Variants in DZIP3 observed in about 807,000 individuals in gnomAD.
DZIP3 encodes the protein DAZ interacting zinc finger protein 3.
Under a neutral mutation model 162.0 loss-of-function variants are expected in DZIP3, and 118 were observed. The ratio of observed to expected loss-of-function variants is 0.73; its 90% CI spans 0.63 to 0.85. The LOEUF is 0.85. Among genes scored for constraint, DZIP3 ranks in the 40% least tolerant of loss-of-function variants. The pLI is 0.00. For missense variants in DZIP3, 1,331 were observed against 1,407.0 expected (o/e 0.95, Z 0.86); for synonymous variants, 438 against 458.6 (o/e 0.96, Z 0.57).
In DZIP3 at chr3:108,694,233, G is replaced by A. The variant is rs1302948928; in HGVS notation, c.*880G>A. On this transcript the variant is annotated 3_prime_UTR_variant, in exon 33 of 33. Coordinates refer to ENST00000361582, the MANE Select transcript of DZIP3 (RefSeq NM_014648.4). ...TGTTAAACGTATTCTTCTGTAATGAGAATAGACTGGAACATGTGAGGGAAA... is the reference window on the plus strand; with the variant it reads ...TGTTAAACGTATTCTTCTGTAATGAAAATAGACTGGAACATGTGAGGGAAA... The A allele has an allele frequency of 6.6e-6, 1 of 151,946 alleles. No homozygotes were observed. Among genetic ancestry groups the A allele is most frequent in the East Asian group, 1.9e-4 (1 of 5,196 alleles). The allele number at this position is 151,946 out of a possible 1,614,324, so 9.4% of individuals were successfully genotyped here. A position where few individuals can be genotyped will look rare whatever the true frequency, so the allele number is the denominator to read the frequency against.
At chr3:108,647,894 C>T in intron 15 of DZIP3, 49 bp from the exon 16 acceptor site, 1 of 1,394,458 alleles carries the variant, frequency 7.2e-7, no homozygotes, top group Non-Finnish European at 9.5e-7. Context: ...TGATAAGAAG[C>T]TGAAATTGCT....
At position 108,661,861 on chromosome 3, in the gene DZIP3, T is replaced by G. The variant is rs922730229; in HGVS notation, c.2200-16T>G. 6.2e-7 allele frequency: 1 copy of G among 1,602,620 alleles called. No individual in the cohort carries two copies. Among genetic ancestry groups the G allele is most frequent in the African/African-American group, 1.3e-5 (1 of 74,264 alleles). ...TTTGAGGAAAATAATACATGCATAT[T>G]TCCTGTGCTCAATAGGGCTCAGCTG... On this transcript the variant is annotated splice_polypyrimidine_tract_variant and intron_variant, in intron 19 of 32. Transcript: ENST00000361582.
At chr3:108,610,627 T>G (rs1210689393) in intron 3 of DZIP3, among the ~76,000 whole-genome samples, 1 of 152,230 alleles carries the variant, frequency 6.6e-6, no homozygotes, top group African/African-American at 2.4e-5. Flanking sequence ...TTGTTAAGGT[T>G]TGAAGGAAGG....
At chr3:108,593,742 C>A (rs1939557217) in intron 1 of DZIP3, among the ~76,000 whole-genome samples, 1 of 147,050 alleles carries the variant, frequency 6.8e-6, no homozygotes, top group Non-Finnish European at 1.5e-5. Flanking sequence ...GTGGCATGAT[C>A]ACGGCTCATT....
intron 3 of DZIP3, among the ~76,000 whole-genome samples, chr3:108,608,591 T>G (rs1940518470): frequency 6.6e-6 from 1 of 152,322 alleles, no homozygotes; most frequent in African/African-American, 2.4e-5. Flanking sequence ...TTTTATTATC[T>G]TTATGGTTAG....
intron 2 of DZIP3, among the ~76,000 whole-genome samples, chr3:108,607,606 A>G (rs968356739): frequency 6.6e-6 from 1 of 152,162 alleles, no homozygotes; most frequent in African/African-American, 2.4e-5. Context: ...TTATTACTCA[A>G]ATAGTTTCTA....
chr3:108,658,436 A>C (rs1419312180), intron 19 of DZIP3, among the ~76,000 whole-genome samples: 3 of 152,088 alleles, frequency 2.0e-5, no homozygotes, highest in Non-Finnish European at 4.4e-5. Context: ...TGTTCTTTGA[A>C]ACCAACGAGA....
At chr3:108,644,098 G>A in intron 13 of DZIP3, 66 bp from the exon 14 acceptor site, 1 of 1,515,812 alleles carries the variant, frequency 6.6e-7, no homozygotes, top group Non-Finnish European at 8.8e-7. Context: ...AGGATACAAT[G>A]TGAGAGACCA....
In DZIP3 at chr3:108,688,939, T is replaced by C; in HGVS notation, c.3516+15T>C. The C allele has an allele frequency of 6.2e-7, 1 of 1,611,182 alleles. No homozygotes were observed. The highest frequency in any genetic ancestry group is 1.3e-5 in the African/African-American group (1 of 74,966). On this transcript the variant is annotated intron_variant, in intron 31 of 32. Transcript: ENST00000361582. ...TCCATGCTCAGGTAACACTTTAAAT[T>C]TTCCCATTAATCAGCTAAATGAGAT...
chr3:108,657,283 T>G (rs909619712), intron 19 of DZIP3, among the ~76,000 whole-genome samples: 1 of 152,244 alleles, frequency 6.6e-6, no homozygotes, highest in African/African-American at 2.4e-5. Context: ...GACTAACAGC[T>G]GATCTCTTGG....
intron 17 of DZIP3, among the ~76,000 whole-genome samples, chr3:108,649,571 A>G (rs879784430): frequency 5.9e-5 from 9 of 151,852 alleles, no homozygotes; most frequent in South Asian, 2.1e-4. Context: ...CCACCATGTT[A>G]TGCAACTTTG....
intron 8 of DZIP3, among the ~76,000 whole-genome samples, chr3:108,631,055 A>ACACATACACTCTCTCTCTCT: frequency 7.8e-4 from 14 of 18,016 alleles, no homozygotes; most frequent in African/African-American, 1.1e-3. Context: ...ACACACACAC[A>ACACATACACTCTCTCTCTCT]CTCTCTCTCT....
intron 21 of DZIP3, among the ~76,000 whole-genome samples, chr3:108,665,124 G>T (rs1388146412): frequency 6.6e-6 from 1 of 151,994 alleles, no homozygotes; most frequent in African/African-American, 2.4e-5. Flanking sequence ...GACAAGAAAG[G>T]CAAAAGACCA....
intron 1 of DZIP3, among the ~76,000 whole-genome samples, chr3:108,604,133 G>A (rs1940189193): frequency 6.6e-6 from 1 of 152,042 alleles, no homozygotes; most frequent in African/African-American, 2.4e-5. Flanking sequence ...TTTAGTAATG[G>A]GCCTAGCTAG....
chr3:108,690,982 C>T, intron 32 of DZIP3, 79 bp downstream of exon 32: 1 of 1,210,850 alleles, frequency 8.3e-7, no homozygotes, highest in Non-Finnish European at 1.2e-6. Flanking sequence ...ACTATGTGCT[C>T]TTCAATATAG....
In DZIP3 at chr3:108,644,594, A is replaced by G; in HGVS notation, c.1572A>G (p.Ser524=). 1.2e-6 allele frequency: 2 copies of G among 1,614,090 alleles called. No individual in the cohort carries two copies. The highest frequency in any genetic ancestry group is 2.2e-5 in the South Asian group (2 of 91,078). ...SEILMNGLTE[S]QFNSIWKKVS... ...TTTTGATGAATGGTCTCACTGAGTC[A>G]CAGTTCAATTCAATTTGGAAAAAAG... The change falls in exon 14 of 33, where the codon TCA becomes TCG. Residue 524 remains serine (S), a synonymous_variant. Coordinates refer to ENST00000361582, the MANE Select transcript of DZIP3 (RefSeq NM_014648.4).
chr3:108,629,013 C>A, intron 7 of DZIP3, 49 bp from the exon 8 acceptor site: 1 of 1,145,200 alleles, frequency 8.7e-7, no homozygotes, highest in Non-Finnish European at 1.2e-6. Flanking sequence ...GTAAACCATG[C>A]ATCTACACAG....
chr3:108,637,135 C>A (rs796137084), intron 11 of DZIP3, among the ~76,000 whole-genome samples: 1 of 151,850 alleles, frequency 6.6e-6, no homozygotes, highest in Non-Finnish European at 1.5e-5. Flanking sequence ...CAGATGATAT[C>A]CATTTTATGT....
Position 108,654,323 on chromosome 3 carries a change from A to T in DZIP3, c.2199+13A>T, listed in dbSNP as rs761585377. ...CATGATAGAGCAGGTAAGCATGATT[A>T]GAGAGGGTGCCTGCCTTCTCTTATT... is the stretch of plus-strand genomic sequence containing the variant. On this transcript the variant is annotated intron_variant, in intron 19 of 32. Transcript: ENST00000361582. The T allele has an allele frequency of 1.8e-5, 29 of 1,613,216 alleles. No homozygotes were observed. Among genetic ancestry groups the T allele is most frequent in the Non-Finnish European group, 2.3e-5 (27 of 1,179,464 alleles).
Sources: allele counts gnomAD v4.1 joint callset (sites outside exome capture counted in the v4.1 genomes callset), GRCh38; gene constraint gnomAD v4.1.1; transcripts MANE v1.5; gene names NCBI Gene and HGNC (gene_info 2026-07-23, HGNC 2026-07-21).